RGS7: variants seen among roughly 807,000 people sequenced by gnomAD.
The protein encoded by RGS7 is regulator of G protein signaling 7.
In RGS7, 27 loss-of-function variants were observed where a neutral mutation model predicts 81.1. That is an observed-to-expected ratio of 0.33 (90% CI 0.25 to 0.46). The LOEUF (loss-of-function observed/expected upper bound fraction) is 0.46, where lower values mean the gene tolerates loss of function less well. Ranked by LOEUF, RGS7 falls within the 20% of genes least tolerant of loss-of-function variation. The pLI, the probability that RGS7 is intolerant of heterozygous loss-of-function variation, is 1.00. For synonymous variants in RGS7, 208 were observed against 207.7 expected, an observed-to-expected ratio of 1.00 and a Z score of -0.01; for missense variants, 396 against 607.4, an observed-to-expected ratio of 0.65 and a Z score of 3.66.
intron 3 of RGS7, among the ~76,000 whole-genome samples, chr1:241,074,899 T>A (rs1011775533): frequency 2.0e-5 from 3 of 152,050 alleles, no homozygotes; most frequent in African/African-American, 7.2e-5. Flanking sequence ...TAAAAAAAAA[T>A]TTAAGTTTTG....
chr1:241,103,880 A>G (rs2064935498), intron 2 of RGS7, among the ~76,000 whole-genome samples: 1 of 152,170 alleles, frequency 6.6e-6, no homozygotes, highest in South Asian at 2.1e-4. Context: ...TCTCAAAAAT[A>G]AATAAAATAA....
At chr1:241,208,287 T>A (rs1198771430) in intron 2 of RGS7, among the ~76,000 whole-genome samples, 2 of 152,112 alleles carry the variant, frequency 1.3e-5, no homozygotes, top group Non-Finnish European at 2.9e-5. Flanking sequence ...ACCATGAGTC[T>A]CATGGCCATG....
chr1:241,283,345 C>A (rs2078625711), intron 2 of RGS7, among the ~76,000 whole-genome samples: 1 of 152,162 alleles, frequency 6.6e-6, no homozygotes, highest in Admixed American at 6.5e-5. Flanking sequence ...GCAGTATATT[C>A]TATTAGTTTT....
At chr1:240,883,726 G>T (rs1666831019) in intron 6 of RGS7, among the ~76,000 whole-genome samples, 1 of 152,166 alleles carries the variant, frequency 6.6e-6, no homozygotes, top group South Asian at 2.1e-4. Context: ...CATCCTTTTT[G>T]TGGGACATGT....
chr1:241,136,806 T>A (rs2067556057), intron 2 of RGS7, among the ~76,000 whole-genome samples: 1 of 152,202 alleles, frequency 6.6e-6, no homozygotes, highest in African/African-American at 2.4e-5. Context: ...TCTTGCTTAG[T>A]GTTCACAATG....
At chr1:240,780,187 T>A (rs1465995755) in intron 18 of RGS7, among the ~76,000 whole-genome samples, 2 of 152,036 alleles carry the variant, frequency 1.3e-5, no homozygotes, top group Non-Finnish European at 2.9e-5. Context: ...TGGCTCATGC[T>A]TGTAATCCCA....
intron 4 of RGS7, among the ~76,000 whole-genome samples, chr1:240,951,527 C>T (rs1301061932): frequency 6.6e-6 from 1 of 151,952 alleles, no homozygotes; most frequent in African/African-American, 2.4e-5. Flanking sequence ...CATTAGCAGG[C>T]TACACAACTC....
At chr1:241,295,384 T>G (rs1377326580) in intron 2 of RGS7, among the ~76,000 whole-genome samples, 2 of 149,928 alleles carry the variant, frequency 1.3e-5, no homozygotes, top group African/African-American at 2.5e-5. Context: ...ACCTGAGAGG[T>G]GGAGGTTGCA....
At chr1:240,895,874 C>G (rs1283935767) in intron 6 of RGS7, among the ~76,000 whole-genome samples, 1 of 152,226 alleles carries the variant, frequency 6.6e-6, no homozygotes, top group Non-Finnish European at 1.5e-5. Context: ...CTGTCTTCCA[C>G]AATGGTTGAC....
chr1:240,934,966 G>A (rs1676368935), intron 5 of RGS7, among the ~76,000 whole-genome samples: 1 of 135,146 alleles, frequency 7.4e-6, no homozygotes, highest in Non-Finnish European at 1.5e-5. Flanking sequence ...TCGGCTCACT[G>A]CAACCTCCAT....
chr1:241,115,443 C>A (rs1430608092), intron 2 of RGS7, among the ~76,000 whole-genome samples: 1 of 152,210 alleles, frequency 6.6e-6, no homozygotes, highest in East Asian at 1.9e-4. Context: ...TTTCAGGAGG[C>A]ATTTATCCTT....
chr1:240,834,919 C>A (rs981893395), intron 9 of RGS7, among the ~76,000 whole-genome samples: 3 of 35,640 alleles, frequency 8.4e-5, no homozygotes, highest in Non-Finnish European at 1.4e-4. Flanking sequence ...TTACACTCCA[C>A]ACACACACAC....
intron 2 of RGS7, among the ~76,000 whole-genome samples, chr1:241,352,245 A>G (rs545033222): frequency 2.0e-5 from 3 of 152,304 alleles, no homozygotes; most frequent in Admixed American, 6.5e-5. Context: ...TCTGAATCCA[A>G]CACCTCTTGG....
chr1:240,835,202 G>T (rs1438199148), intron 9 of RGS7, among the ~76,000 whole-genome samples: 2 of 152,004 alleles, frequency 1.3e-5, no homozygotes, highest in African/African-American at 2.4e-5. Flanking sequence ...AATAGGCAAG[G>T]TTATTATCCA....
intron 2 of RGS7, among the ~76,000 whole-genome samples, chr1:241,334,868 C>T (rs2082159789): frequency 7.3e-6 from 1 of 136,248 alleles, no homozygotes; most frequent in African/African-American, 3.6e-5. Context: ...CAGAATAAAC[C>T]AAATATTTAT....
intron 2 of RGS7, among the ~76,000 whole-genome samples, chr1:241,145,312 T>G (rs2068235006): frequency 1.3e-5 from 2 of 152,068 alleles, no homozygotes. Context: ...TATATACCTA[T>G]TTGCTCCAGG....
At chr1:241,128,571 C>T (rs1247571303) in intron 2 of RGS7, among the ~76,000 whole-genome samples, 4 of 151,628 alleles carry the variant, frequency 2.6e-5, no homozygotes, top group East Asian at 1.9e-4. Flanking sequence ...GGTAAAAGAA[C>T]GAGACTCCGT....
At chr1:241,182,094 G>A (rs186687890) in intron 2 of RGS7, among the ~76,000 whole-genome samples, 1 of 152,296 alleles carries the variant, frequency 6.6e-6, no homozygotes, top group East Asian at 1.9e-4. Context: ...AAGAAGGGCT[G>A]GGTTGGAATT....
intron 2 of RGS7, among the ~76,000 whole-genome samples, chr1:241,270,327 T>C (rs774186254): frequency 6.6e-6 from 1 of 152,158 alleles, no homozygotes; most frequent in Non-Finnish European, 1.5e-5. Context: ...TGACTAACAC[T>C]ATATTTTAAA....
Sources: gnomAD v4.1 joint callset for allele counts (sites outside exome capture counted in the v4.1 genomes callset) on GRCh38, gnomAD v4.1.1 for gene constraint, MANE v1.5 for transcripts, NCBI Gene and HGNC (gene_info 2026-07-23, HGNC 2026-07-21) for gene names.